The following DCTD variants were observed in gnomAD, a reference collection of about 807,000 sequenced individuals.
DCTD encodes the protein dCMP deaminase.
In DCTD, 23 loss-of-function variants were observed where a neutral mutation model predicts 21.0. The observed-to-expected ratio is 1.09, with a 90% CI of 0.79 to 1.55. The LOEUF is 1.55. Ranked by LOEUF, DCTD falls within the 40% of genes most tolerant of loss-of-function variation. The probability of loss-of-function intolerance (pLI) is 0.00; values close to 1 mark genes in which losing one functional copy is unlikely to be tolerated. For missense variants in DCTD, 224 were observed against 230.0 expected (o/e 0.97, Z 0.17); for synonymous variants, 71 against 81.1 (o/e 0.88, Z 0.67).
intron 1 of DCTD, chr4:182,916,952 C>A: frequency 1.0e-6 from 1 of 996,420 alleles, no homozygotes; most frequent in Non-Finnish European, 1.2e-6. Flanking sequence ...CTCGCAACCC[C>A]GTCAGCTCTG....
chr4:182,897,295 A>T (rs1046695271), intron 3 of DCTD, among the ~76,000 whole-genome samples: 6 of 151,002 alleles, frequency 4.0e-5, no homozygotes, highest in Non-Finnish European at 7.4e-5. Context: ...CTTGTTAAAA[A>T]ATATATATAT....
rs889650783 is a variant in DCTD at position 182,917,332 on chromosome 4, G to C, written c.-29C>G. Reference sequence around the variant, plus strand: ...CCACCATCCGGTGCCGGCTCCGCGCGCAGGCCGGTGCTCGTCCCCGCCGCC... The same window carrying C: ...CCACCATCCGGTGCCGGCTCCGCGCCCAGGCCGGTGCTCGTCCCCGCCGCC... On this transcript the variant is annotated 5_prime_UTR_variant, in exon 1 of 6. Coordinates refer to ENST00000438320, the MANE Select transcript of DCTD (RefSeq NM_001921.3). The surrounding 1 kb of genome is among the most constrained non-coding windows in gnomAD (Gnocchi z 4.9). The C allele has an allele frequency of 1.5e-4, 160 of 1,093,070 alleles. No individual in the cohort carries two copies. The African/African-American group carries it at 2.5e-3, about 17-fold the overall frequency. The allele number at this position is 1,093,070 out of a possible 1,614,324, so 67.7% of individuals were successfully genotyped here.
rs185550417 is a variant in DCTD at position 182,890,518 on chromosome 4, G to C, written c.*881C>G. 1 of 152,268 alleles carries C rather than the reference G, an allele frequency of 6.6e-6. No individual in the cohort carries two copies. Among genetic ancestry groups the C allele is most frequent in the Non-Finnish European group, 1.5e-5 (1 of 68,066 alleles). 9.4% of individuals were successfully genotyped at this position (152,268 alleles called of 1,614,324 possible). A position where few individuals can be genotyped will look rare whatever the true frequency, so the allele number is the denominator to read the frequency against. On this transcript the variant is annotated 3_prime_UTR_variant, in exon 6 of 6. Transcript: ENST00000438320. ...TGCAGAGGGGCCTTGTACATGAACT[G>C]CGTTGGCATGCGGAGGAGGGGCAAC...
chr4:182,909,592 C>T (rs1737319974), intron 3 of DCTD, among the ~76,000 whole-genome samples: 1 of 152,146 alleles, frequency 6.6e-6, no homozygotes, highest in South Asian at 2.1e-4. Context: ...CTAACGAAAC[C>T]AGAGGACATT....
intron 4 of DCTD, 47 bp from the exon 5 acceptor site, chr4:182,893,174 GC>G (rs749165290): frequency 8.8e-7 from 1 of 1,140,160 alleles, no homozygotes; most frequent in South Asian, 1.3e-5. Context: ...ACCTACAGAT[GC>G]TGCAAAAGAC....
chr4:182,913,861 C>A (rs978731198), intron 3 of DCTD, among the ~76,000 whole-genome samples: 2 of 152,206 alleles, frequency 1.3e-5, no homozygotes, highest in African/African-American at 2.4e-5. Context: ...AAGGAATTTT[C>A]CCTGGGGCTT....
At chr4:182,906,361 C>T (rs1223290893) in intron 3 of DCTD, among the ~76,000 whole-genome samples, 2 of 152,154 alleles carry the variant, frequency 1.3e-5, no homozygotes, top group African/African-American at 4.8e-5. Flanking sequence ...TGTCTACCTC[C>T]TCCACAATTA....
chr4:182,916,316 G>A (rs1275816793), intron 1 of DCTD: 2 of 920,128 alleles, frequency 2.2e-6, no homozygotes, highest in Non-Finnish European at 2.6e-6. Flanking sequence ...CTACGGCAGG[G>A]AGAGCCCACG....
chr4:182,902,333 C>G (rs1195900577), intron 3 of DCTD, among the ~76,000 whole-genome samples: 1 of 152,232 alleles, frequency 6.6e-6, no homozygotes, highest in Admixed American at 6.5e-5. Context: ...CTTATCTCTC[C>G]TGCATGAAGT....
chr4:182,907,760 A>G (rs770784936), intron 3 of DCTD, among the ~76,000 whole-genome samples: 11 of 152,214 alleles, frequency 7.2e-5, no homozygotes, highest in Non-Finnish European at 1.2e-4. Context: ...ATCTAATGCC[A>G]TCAAAGCTAT....
intron 3 of DCTD, among the ~76,000 whole-genome samples, chr4:182,909,226 T>G (rs1361025987): frequency 6.6e-6 from 1 of 152,214 alleles, no homozygotes; most frequent in African/African-American, 2.4e-5. Context: ...TGAAAACTGT[T>G]TATAAACAAT....
chr4:182,916,780 G>T, intron 1 of DCTD: 1 of 1,127,882 alleles, frequency 8.9e-7, no homozygotes, highest in Non-Finnish European at 1.1e-6. Flanking sequence ...GGAGAGGGAA[G>T]GGTCCTGTTA....
upstream of DCTD, chr4:182,917,412 A>C: frequency 3.1e-6 from 3 of 972,230 alleles, no homozygotes; most frequent in Non-Finnish European, 2.4e-6. This position sits in a 1 kb window ranked among gnomAD's most constrained non-coding sequence, Gnocchi z 4.9. Flanking sequence ...CGGGGCCGGA[A>C]GGGGGCAGCG....
rs776863043 is a variant in DCTD, at chr4:182,915,588, C to T, written c.-7-13G>A. On this transcript the variant is annotated splice_polypyrimidine_tract_variant and intron_variant, in intron 1 of 5. Transcript: ENST00000438320. Reference sequence around the variant, plus strand: ...ACTCATGTTGGGTCTAGAAGAAAAACATGACAAAACAGAAGTTGAGAGAAG... The same window carrying T: ...ACTCATGTTGGGTCTAGAAGAAAAATATGACAAAACAGAAGTTGAGAGAAG... 3.9e-6 allele frequency: 6 copies of T among 1,522,380 alleles called. No homozygotes were observed. Among genetic ancestry groups the T allele is most frequent in the Non-Finnish European group, 5.5e-6 (6 of 1,096,422 alleles). The allele number at this position is 1,522,380 out of a possible 1,614,324, so 94.3% of individuals were successfully genotyped here.
At chr4:182,897,288 G>T (rs1012480686) in intron 3 of DCTD, among the ~76,000 whole-genome samples, 1 of 150,920 alleles carries the variant, frequency 6.6e-6, no homozygotes, top group Non-Finnish European at 1.5e-5. Context: ...AAAGCTTCTT[G>T]TTAAAAAATA....
chr4:182,910,667 TG>T (rs1427891026), intron 3 of DCTD, among the ~76,000 whole-genome samples: 1 of 152,230 alleles, frequency 6.6e-6, no homozygotes. Context: ...TGCCACTTAA[TG>T]TTACTGACAT....
At chr4:182,896,207 C>T (rs1453972150) in intron 3 of DCTD, among the ~76,000 whole-genome samples, 1 of 152,194 alleles carries the variant, frequency 6.6e-6, no homozygotes, top group African/African-American at 2.4e-5. Context: ...TTACTGAGCA[C>T]GTACTCTGGG....
intron 3 of DCTD, among the ~76,000 whole-genome samples, chr4:182,895,384 A>G (rs1734560181): frequency 6.6e-6 from 1 of 152,186 alleles, no homozygotes; most frequent in Non-Finnish European, 1.5e-5. Flanking sequence ...TCTGTCTTTT[A>G]TAAGAAAAAC....
intron 4 of DCTD, among the ~76,000 whole-genome samples, chr4:182,894,167 C>T (rs11943452): frequency 0.016 from 2,437 of 152,198 alleles, 62 homozygotes; most frequent in African/African-American, 0.056. Context: ...TCATTTCTTC[C>T]CTCCCCCAAA....
Sources: allele counts gnomAD v4.1 joint callset (sites outside exome capture counted in the v4.1 genomes callset), GRCh38; gene constraint gnomAD v4.1.1; non-coding constraint Gnocchi (gnomAD v3.1); transcripts MANE v1.5; gene names NCBI Gene and HGNC (gene_info 2026-07-23, HGNC 2026-07-21).